Variants in SGCD observed in about 807,000 individuals in gnomAD.
The protein encoded by SGCD is sarcoglycan delta, also known as delta-sarcoglycan.
In SGCD, 18 loss-of-function variants were observed where a neutral mutation model predicts 36.6. The observed-to-expected ratio is 0.49, with a 90% CI of 0.34 to 0.73. The LOEUF (loss-of-function observed/expected upper bound fraction) is 0.73, where lower values mean the gene tolerates loss of function less well. SGCD is among the 30% of genes least tolerant of loss of function. SGCD has a pLI of 0.01. For missense variants in SGCD, 387 were observed against 346.7 expected, an observed-to-expected ratio of 1.12 and a Z score of -0.92; for synonymous variants, 133 against 130.6, an observed-to-expected ratio of 1.02 and a Z score of -0.12.
chr5:156,177,598 T>G (rs995611352), intron 3 of SGCD, among the ~76,000 whole-genome samples: 2 of 152,210 alleles, frequency 1.3e-5, no homozygotes, highest in African/African-American at 4.8e-5. Context: ...TTATATACAA[T>G]GTACTGCATC....
intron 1 of SGCD, among the ~76,000 whole-genome samples, chr5:155,967,220 C>T (rs17053082): frequency 0.056 from 8,507 of 151,958 alleles, 260 homozygotes; most frequent in South Asian, 0.087. Context: ...TGAGCTACAC[C>T]TTGCCTGTGA....
intron 1 of SGCD, among the ~76,000 whole-genome samples, chr5:155,943,551 T>G (rs1757376808): frequency 6.6e-6 from 1 of 152,138 alleles, no homozygotes; most frequent in African/African-American, 2.4e-5. Flanking sequence ...TTTTAAAAAT[T>G]AAATAATTTG....
chr5:156,633,926 T>C (rs1305541042), intron 6 of SGCD, among the ~76,000 whole-genome samples: 1 of 152,160 alleles, frequency 6.6e-6, no homozygotes, highest in Admixed American at 6.5e-5. Flanking sequence ...ACAGAAATCT[T>C]TGCTGAGGTG....
In SGCD at chr5:156,519,056, AG is replaced by A. The variant is rs1003265968; in HGVS notation, c.294+10356del. On this transcript the variant is annotated intron_variant, in intron 4 of 8. Coordinates refer to ENST00000337851, the MANE Select transcript of SGCD (RefSeq NM_000337.6). Reference sequence around the variant, plus strand: ...AAAAATTCAAAAAATCAACAAATCTAGGAGCTGGTTTTTTGAAAAAAAAATT... The same window carrying A: ...AAAAATTCAAAAAATCAACAAATCTAGAGCTGGTTTTTTGAAAAAAAAATT... 1.6e-4 allele frequency among the ~76,000 whole-genome samples: 24 copies of A among 152,206 alleles called. No homozygotes were observed. The Middle Eastern group carries it at 0.01, about 65-fold the overall frequency.
At chr5:155,875,923 A>C (rs949519880) in intron 1 of SGCD, among the ~76,000 whole-genome samples, 1 of 152,090 alleles carries the variant, frequency 6.6e-6, no homozygotes, top group African/African-American at 2.4e-5. Context: ...ATGAGCAAAT[A>C]AAAATTGAAG....
chr5:156,368,564 C>T (rs185693974), intron 3 of SGCD, among the ~76,000 whole-genome samples: 1 of 152,262 alleles, frequency 6.6e-6, no homozygotes, highest in East Asian at 1.9e-4. Context: ...TTTTAAATGG[C>T]AGTACTTCTG....
chr5:156,668,781 G>A (rs1469962585), intron 7 of SGCD, among the ~76,000 whole-genome samples: 1 of 152,124 alleles, frequency 6.6e-6, no homozygotes, highest in East Asian at 1.9e-4. Context: ...GGACATATAG[G>A]AAAAGCAAGG....
intron 1 of SGCD, among the ~76,000 whole-genome samples, chr5:156,082,433 T>C (rs939048669): frequency 2.0e-5 from 3 of 152,194 alleles, no homozygotes; most frequent in Non-Finnish European, 4.4e-5. Context: ...TGTCTTCCAT[T>C]TCTAAAAATT....
chr5:156,186,814 A>G (rs560814274), intron 3 of SGCD, among the ~76,000 whole-genome samples: 4 of 152,206 alleles, frequency 2.6e-5, no homozygotes, highest in Admixed American at 2.0e-4. Context: ...TTTCCTCCCA[A>G]TAAGGAATTT....
At chr5:156,160,847 TTC>T (rs1763071318) in intron 3 of SGCD, among the ~76,000 whole-genome samples, 1 of 151,740 alleles carries the variant, frequency 6.6e-6, no homozygotes, top group Admixed American at 6.6e-5. Context: ...CCTTAATTTC[TTC>T]TCTTAGATTA....
At chr5:156,255,196 G>T (rs1765685171) in intron 3 of SGCD, among the ~76,000 whole-genome samples, 1 of 152,060 alleles carries the variant, frequency 6.6e-6, no homozygotes, top group Admixed American at 6.5e-5. Context: ...TCAAACACTT[G>T]AAACACCTCT....
chr5:156,192,244 G>T (rs771597176), intron 3 of SGCD, among the ~76,000 whole-genome samples: 15 of 152,130 alleles, frequency 9.9e-5, no homozygotes, highest in Non-Finnish European at 1.0e-4. Context: ...ACATTTTAGC[G>T]TGCTTAATTA....
chr5:156,105,842 G>A (rs1367336828), intron 1 of SGCD, among the ~76,000 whole-genome samples: 1 of 151,964 alleles, frequency 6.6e-6, no homozygotes, highest in Non-Finnish European at 1.5e-5. Context: ...GCTGGTTGCG[G>A]TGGATCATTC....
intron 1 of SGCD, among the ~76,000 whole-genome samples, chr5:156,036,078 C>T (rs926767625): frequency 1.3e-5 from 2 of 152,068 alleles, no homozygotes; most frequent in African/African-American, 4.8e-5. Context: ...CTCAGATAGA[C>T]CAGGGCTTAG....
chr5:156,756,494 T>C (rs1193296721), intron 7 of SGCD, among the ~76,000 whole-genome samples: 1 of 152,180 alleles, frequency 6.6e-6, no homozygotes, highest in Non-Finnish European at 1.5e-5. Flanking sequence ...GAGCTATAAT[T>C]GTGCCACTGC....
intron 3 of SGCD, among the ~76,000 whole-genome samples, chr5:156,270,580 G>A (rs769324233): frequency 4.6e-5 from 7 of 152,244 alleles, no homozygotes; most frequent in Admixed American, 6.5e-5. Flanking sequence ...TACCATGGTC[G>A]TTTAGTAATT....
the SGCD span, among the ~76,000 whole-genome samples, chr5:155,800,587 A>ATT: frequency 8.9e-4 from 135 of 151,350 alleles, no homozygotes; most frequent in East Asian, 0.012. Context: ...TGCTTATAAC[A>ATT]TTTTTTTTTC....
chr5:156,226,384 G>A (rs1561573591), intron 3 of SGCD, among the ~76,000 whole-genome samples: 1 of 152,090 alleles, frequency 6.6e-6, no homozygotes, highest in African/African-American at 2.4e-5. Flanking sequence ...CCAGGTCACT[G>A]CGACTGCCAT....
chr5:156,559,181 A>T (rs1378829367), intron 4 of SGCD, among the ~76,000 whole-genome samples: 1 of 152,132 alleles, frequency 6.6e-6, no homozygotes, highest in Non-Finnish European at 1.5e-5. Flanking sequence ...GTTTCAGCCC[A>T]CAGCCTTAGG....
Sources: gnomAD v4.1 joint callset for allele counts (sites outside exome capture counted in the v4.1 genomes callset) on GRCh38, gnomAD v4.1.1 for gene constraint, MANE v1.5 for transcripts, NCBI Gene and HGNC (gene_info 2026-07-23, HGNC 2026-07-21) for gene names.